Variants in SLC36A1 observed in about 807,000 individuals in gnomAD.
SLC36A1 encodes the protein proton-coupled amino acid transporter 1.
SLC36A1 carries 30 observed loss-of-function variants against 47.5 expected under a neutral mutation model. That is an observed-to-expected ratio of 0.63 (90% CI 0.47 to 0.86). The LOEUF is 0.86. Ranked by LOEUF, SLC36A1 falls within the 40% of genes least tolerant of loss-of-function variation. SLC36A1 has a pLI of 0.00. For missense variants in SLC36A1, 517 were observed against 606.0 expected (o/e 0.85, Z 1.54); for synonymous variants, 255 against 249.7 (o/e 1.02, Z -0.20).
At chr5:151,405,853 G>A in the SLC36A1 span, among the ~76,000 whole-genome samples, 1 of 152,122 alleles carries the variant, frequency 6.6e-6, no homozygotes, top group Non-Finnish European at 1.5e-5. Flanking sequence ...GGCTTCCTTA[G>A]TTTTGGTTAT....
At chr5:151,407,210 C>G in the SLC36A1 span, among the ~76,000 whole-genome samples, 2,260 of 152,308 alleles carry the variant, frequency 0.015, 72 homozygotes, top group African/African-American at 0.051. Flanking sequence ...GAAGGGGACC[C>G]GAATGGGTTG....
At chr5:151,512,696 A>G in the SLC36A1 span, 3 of 1,234,268 alleles carry the variant, frequency 2.4e-6, no homozygotes, top group Non-Finnish European at 3.4e-6. The surrounding 1 kb of genome is among the most constrained non-coding windows in gnomAD (Gnocchi z 4.1). Context: ...TGTTGTTTGT[A>G]TTTTTATGGG....
At chr5:151,534,293 A>C in the SLC36A1 span, 1 of 694,886 alleles carries the variant, frequency 1.4e-6, no homozygotes, top group South Asian at 2.2e-5. Flanking sequence ...GTGTCCCCAG[A>C]CTCAACAAGG....
At chr5:151,501,240 A>C in the SLC36A1 span, among the ~76,000 whole-genome samples, 1 of 152,188 alleles carries the variant, frequency 6.6e-6, no homozygotes, top group African/African-American at 2.4e-5. Flanking sequence ...ACATATTTTC[A>C]TGGTATCATA....
At chr5:151,420,782 C>A in the SLC36A1 span, among the ~76,000 whole-genome samples, 1 of 152,030 alleles carries the variant, frequency 6.6e-6, no homozygotes, top group South Asian at 2.1e-4. Flanking sequence ...GTGATTAAGT[C>A]CAGACCTTTT....
intron 3 of SLC36A1, 49 bp downstream of exon 3, chr5:151,463,692 A>G: frequency 1.4e-6 from 2 of 1,408,154 alleles, no homozygotes. Context: ...TTTAGGAGGT[A>G]GCTTTTTGTT....
At chr5:151,397,821 A>G in the SLC36A1 span, among the ~76,000 whole-genome samples, 1 of 151,884 alleles carries the variant, frequency 6.6e-6, no homozygotes, top group South Asian at 2.1e-4. Context: ...GATTTAACTA[A>G]AATTATTACA....
downstream of SLC36A1, among the ~76,000 whole-genome samples, chr5:151,496,880 G>A (rs1467333467): frequency 6.6e-6 from 1 of 152,066 alleles, no homozygotes; most frequent in Non-Finnish European, 1.5e-5. Context: ...ATTTTCTTTG[G>A]AGCAATTATA....
the SLC36A1 span, among the ~76,000 whole-genome samples, chr5:151,393,527 G>C: frequency 3.2e-3 from 492 of 152,286 alleles, 1 homozygote; most frequent in African/African-American, 0.011. Context: ...TCATGTTTTT[G>C]CAGTGGCTGG....
the SLC36A1 span, among the ~76,000 whole-genome samples, chr5:151,388,501 C>CAAAAAAAAA: frequency 2.9e-4 from 26 of 90,740 alleles, no homozygotes; most frequent in Non-Finnish European, 3.8e-4. Flanking sequence ...AACTCCATCT[C>CAAAAAAAAA]AAAAGAAAAA....
At chr5:151,505,492 C>T in the SLC36A1 span, 1 of 1,576,094 alleles carries the variant, frequency 6.3e-7, no homozygotes, top group Non-Finnish European at 8.7e-7. Flanking sequence ...TCAACTCACC[C>T]CCTACGAGAC....
intron 5 of SLC36A1, among the ~76,000 whole-genome samples, chr5:151,466,620 G>A (rs994156934): frequency 6.6e-6 from 1 of 152,182 alleles, no homozygotes; most frequent in African/African-American, 2.4e-5. Context: ...TGTCCTTAAT[G>A]TGGGACTTGG....
the SLC36A1 span, among the ~76,000 whole-genome samples, chr5:151,345,872 T>TA: frequency 6.6e-6 from 1 of 152,154 alleles, no homozygotes; most frequent in Admixed American, 6.5e-5. Flanking sequence ...AGCCAACACT[T>TA]ACAGACACTG....
chr5:151,504,520 C>CGTCTGCA, the SLC36A1 span: 4 of 152,780 alleles, frequency 2.6e-5, no homozygotes, highest in Admixed American at 2.6e-4. Context: ...GATGGGCAGG[C>CGTCTGCA]GTCTGCAATG....
At chr5:151,550,703 G>A in the SLC36A1 span, 1 of 1,614,156 alleles carries the variant, frequency 6.2e-7, no homozygotes, top group Non-Finnish European at 8.5e-7. Context: ...CCTGGGTCTT[G>A]GCTGCCATGT....
the SLC36A1 span, among the ~76,000 whole-genome samples, chr5:151,418,282 G>T: frequency 6.6e-6 from 1 of 152,242 alleles, no homozygotes; most frequent in Non-Finnish European, 1.5e-5. Context: ...TAATGGAGCT[G>T]TGAGAAGAGG....
chr5:151,494,755 T>C (rs1760290798), downstream of SLC36A1, among the ~76,000 whole-genome samples: 1 of 152,212 alleles, frequency 6.6e-6, no homozygotes, highest in Non-Finnish European at 1.5e-5. Flanking sequence ...CTTATGTTAT[T>C]TTAATGTAAA....
At chr5:151,443,832 T>A (rs1752769885), upstream of SLC36A1, among the ~76,000 whole-genome samples, 1 of 152,222 alleles carries the variant, frequency 6.6e-6, no homozygotes, top group African/African-American at 2.4e-5. Flanking sequence ...CCACTTTGAG[T>A]TGATTTTTAT....
chr5:151,527,492 C>T, the SLC36A1 span: 2 of 1,013,516 alleles, frequency 2.0e-6, no homozygotes, highest in South Asian at 4.0e-5. Context: ...TTCCTATGCC[C>T]ACCCCCACTG....
Sources: gnomAD v4.1 joint callset for allele counts (sites outside exome capture counted in the v4.1 genomes callset) on GRCh38, gnomAD v4.1.1 for gene constraint, Gnocchi (gnomAD v3.1) non-coding constraint, MANE v1.5 for transcripts, NCBI Gene and HGNC (gene_info 2026-07-23, HGNC 2026-07-21) for gene names.